SNX8: variants seen among roughly 807,000 people sequenced by gnomAD.
SNX8 encodes the protein sorting nexin 8, also known as sorting nexin-8.
SNX8 carries 25 observed loss-of-function variants against 51.6 expected under a neutral mutation model. The observed-to-expected ratio is 0.48, with a 90% CI of 0.35 to 0.68. The LOEUF (loss-of-function observed/expected upper bound fraction) is 0.68. SNX8 is among the 30% of genes least tolerant of loss of function. SNX8 has a pLI of 0.00. For missense variants in SNX8, 695 were observed against 624.0 expected (o/e 1.11, Z -1.21); for synonymous variants, 324 against 277.0 (o/e 1.17, Z -1.68).
At chr7:2,316,604 C>G (rs1000742358), upstream of SNX8, among the ~76,000 whole-genome samples, 2 of 150,286 alleles carry the variant, frequency 1.3e-5, no homozygotes, top group Non-Finnish European at 3.0e-5. Context: ...CACTCACTCA[C>G]GCACTGCATC....
At chr7:2,322,203 G>A (rs534377081) in intron 1 of SNX8, among the ~76,000 whole-genome samples, 1 of 152,270 alleles carries the variant, frequency 6.6e-6, no homozygotes, top group East Asian at 1.9e-4. Flanking sequence ...TACACAGGAG[G>A]ACGTGCAGAA....
chr7:2,290,549 A>G (rs1326000792), intron 1 of SNX8, among the ~76,000 whole-genome samples: 1 of 152,214 alleles, frequency 6.6e-6, no homozygotes, highest in Non-Finnish European at 1.5e-5. Context: ...CCAGCACATA[A>G]TAGATGCTAA....
At chr7:2,330,095 T>C (rs1583116564) in intron 1 of SNX8, among the ~76,000 whole-genome samples, 1 of 149,308 alleles carries the variant, frequency 6.7e-6, no homozygotes. Context: ...CCTCCCAAAG[T>C]GCTGGGATTA....
intron 1 of SNX8, among the ~76,000 whole-genome samples, chr7:2,328,119 A>G (rs1158798168): frequency 1.3e-5 from 2 of 151,874 alleles, no homozygotes; most frequent in Non-Finnish European, 2.9e-5. Flanking sequence ...ACATGATCTC[A>G]GCTCACTGCA....
At chr7:2,290,186 C>A (rs949610618) in intron 1 of SNX8, among the ~76,000 whole-genome samples, 6 of 152,066 alleles carry the variant, frequency 3.9e-5, no homozygotes, top group Non-Finnish European at 8.8e-5. Context: ...GGGCAAAACT[C>A]TGCCTCTAAA....
At chr7:2,257,230 G>A (rs1368493809) in intron 9 of SNX8, 135 bp downstream of exon 9, 13 of 1,196,920 alleles carry the variant, frequency 1.1e-5, no homozygotes, top group South Asian at 1.5e-5. Context: ...CCAGCTCCCT[G>A]CCTCCACTGC....
intron 1 of SNX8, among the ~76,000 whole-genome samples, chr7:2,341,554 C>T (rs187849804): frequency 2.6e-5 from 4 of 152,120 alleles, no homozygotes; most frequent in Admixed American, 2.6e-4. Flanking sequence ...CACCCACAGT[C>T]CTAGCACTTT....
At chr7:2,286,718 C>T (rs965785806) in intron 1 of SNX8, among the ~76,000 whole-genome samples, 2 of 151,700 alleles carry the variant, frequency 1.3e-5, no homozygotes, top group Non-Finnish European at 2.9e-5. Context: ...TGGGGTTTCA[C>T]CATGTTAGCC....
intron 1 of SNX8, among the ~76,000 whole-genome samples, chr7:2,340,283 G>A (rs952567702): frequency 7.4e-5 from 11 of 149,630 alleles, no homozygotes; most frequent in African/African-American, 2.5e-4. Flanking sequence ...TGTTGGTCAG[G>A]CTGGTCTCGA....
At chr7:2,267,310 C>G in intron 5 of SNX8, among the ~76,000 whole-genome samples, 1 of 98,736 alleles carries the variant, frequency 1.0e-5, no homozygotes, top group Non-Finnish European at 2.0e-5. Context: ...CCCTCTCCCT[C>G]CCCCTCCCCC....
rs1272610453 is a variant in SNX8, at chr7:2,265,864, T to C, written c.622-1406A>G. Among the ~76,000 whole-genome samples the C allele has an allele frequency of 2.6e-5, 4 of 151,878 alleles. 1 individual carries two copies. In the East Asian group the frequency reaches 7.9e-4, roughly 30 times the overall value. On this transcript the variant is annotated intron_variant, in intron 5 of 10. Transcript: ENST00000222990. ...TGGTGGCTCATGCCTTTAATCCCAG[T>C]ACTTTGGGGGGCCATGCCAGGAGGA...
At chr7:2,298,516 T>C (rs893444893) in intron 1 of SNX8, among the ~76,000 whole-genome samples, 1 of 143,786 alleles carries the variant, frequency 7.0e-6, no homozygotes, top group Admixed American at 6.9e-5. Context: ...ATTACAGGCA[T>C]GCACCAGCAC....
In SNX8 at chr7:2,264,459, C is replaced by CT; in HGVS notation, c.622-2dup. On this transcript the variant is annotated splice_acceptor_variant, in intron 5 of 10. Coordinates refer to ENST00000222990, the MANE Select transcript of SNX8 (RefSeq NM_013321.4). LOFTEE classifies it high-confidence loss of function. Reference sequence around the variant, plus strand: ...CCTGGATGTCAGCTGGGAGGAAGTCCTGACATCATGATGGGGGGAGAGACA... The same window carrying CT: ...CCTGGATGTCAGCTGGGAGGAAGTCCTTGACATCATGATGGGGGGAGAGACA... The CT allele has an allele frequency of 1.9e-6, 3 of 1,609,374 alleles. No individual in the cohort carries two copies. In the East Asian group the frequency reaches 6.7e-5, roughly 36 times the overall value.
At chr7:2,316,023 TCACTCACC>T (rs1357500240), upstream of SNX8, among the ~76,000 whole-genome samples, 12 of 142,678 alleles carry the variant, frequency 8.4e-5, no homozygotes, top group Admixed American at 5.6e-4. Context: ...ATTCACCCAC[TCACTCACC>T]CACTCACTGC....
chr7:2,265,695 TGAAA>T (rs1795446730), intron 5 of SNX8, among the ~76,000 whole-genome samples: 1 of 152,112 alleles, frequency 6.6e-6, no homozygotes, highest in Non-Finnish European at 1.5e-5. Context: ...CATAAATTCC[TGAAA>T]GACTCTCCAC....
At chr7:2,318,236 C>G (rs1796784921), upstream of SNX8, among the ~76,000 whole-genome samples, 1 of 152,074 alleles carries the variant, frequency 6.6e-6, no homozygotes, top group African/African-American at 2.4e-5. Context: ...TGGTCTCAAA[C>G]TAGATTATAA....
chr7:2,268,587 G>A (rs1210729564), intron 5 of SNX8, among the ~76,000 whole-genome samples: 29 of 143,556 alleles, frequency 2.0e-4, no homozygotes, highest in South Asian at 1.1e-3. Context: ...CGCCCTGTCC[G>A]GGAGGGAGGT....
intron 1 of SNX8, among the ~76,000 whole-genome samples, chr7:2,331,700 G>T (rs929273173): frequency 7.8e-6 from 1 of 128,986 alleles, no homozygotes; most frequent in Non-Finnish European, 1.7e-5. Flanking sequence ...GTGACACTCC[G>T]TCTCAAAATA....
intron 1 of SNX8, among the ~76,000 whole-genome samples, chr7:2,323,503 T>G (rs927933926): frequency 6.6e-6 from 1 of 152,080 alleles, no homozygotes; most frequent in Admixed American, 6.6e-5. Flanking sequence ...AAGGGGTTCA[T>G]GTCTGTCACC....
Sources: allele counts gnomAD v4.1 joint callset (sites outside exome capture counted in the v4.1 genomes callset), GRCh38; gene constraint gnomAD v4.1.1; transcripts MANE v1.5; gene names NCBI Gene and HGNC (gene_info 2026-07-23, HGNC 2026-07-21).